The following TMEM132C variants were observed in gnomAD, a reference collection of about 807,000 sequenced individuals.
The protein encoded by TMEM132C is protein phosphatase 1, regulatory subunit 152.
TMEM132C carries 29 observed loss-of-function variants against 61.4 expected under a neutral mutation model. That is an observed-to-expected ratio of 0.47 (90% CI 0.35 to 0.64). The LOEUF (loss-of-function observed/expected upper bound fraction) is 0.64. Among genes scored for constraint, TMEM132C ranks in the 30% least tolerant of loss-of-function variants. The pLI is 0.00. For synonymous variants in TMEM132C, 656 were observed against 633.1 expected (o/e 1.04, Z -0.54); for missense variants, 1,408 against 1,476.9 (o/e 0.95, Z 0.76).
intron 3 of TMEM132C, among the ~76,000 whole-genome samples, chr12:128,615,300 G>C (rs1441078604): frequency 1.3e-5 from 2 of 152,306 alleles, no homozygotes; most frequent in South Asian, 4.1e-4. Context: ...GGTGGTGGGG[G>C]AAGGATGGTT....
intron 3 of TMEM132C, among the ~76,000 whole-genome samples, chr12:128,595,591 C>G (rs1480842900): frequency 2.0e-5 from 3 of 152,136 alleles, no homozygotes; most frequent in Admixed American, 2.0e-4. Context: ...GAGGAGGCCA[C>G]GGGATTGTAA....
Position 128,550,321 on chromosome 12 carries a change from G to A in TMEM132C, c.1121+6218G>A, listed in dbSNP as rs1489330165. ...GGTGTCTTGTCTTTTTTTTTTTTTC[G>A]AGACAGGGTCTCGCTCTGTCACCCA... On this transcript the variant is annotated intron_variant, in intron 3 of 8. Coordinates refer to ENST00000435159, the MANE Select transcript of TMEM132C (RefSeq NM_001136103.3). Among the ~76,000 whole-genome samples the A allele has an allele frequency of 6.8e-5, 10 of 146,718 alleles. 1 individual carries two copies. The South Asian group carries it at 1.5e-3, about 22-fold the overall frequency.
chr12:128,291,594 A>C (rs1457653106), intron 1 of TMEM132C, among the ~76,000 whole-genome samples: 1 of 152,236 alleles, frequency 6.6e-6, no homozygotes, highest in Non-Finnish European at 1.5e-5. Context: ...CCCAAGGCTC[A>C]GTTGTCCTGC....
At position 128,343,445 on chromosome 12, in the gene TMEM132C, G is replaced by A. The variant is rs562091694; in HGVS notation, c.86-71287G>A. ...CTAAAAAAAAAAAAAAAAAGGAGCTGTCTTCTTCCTTATTTAGATATCCCT... is the reference window on the plus strand; with the variant it reads ...CTAAAAAAAAAAAAAAAAAGGAGCTATCTTCTTCCTTATTTAGATATCCCT... On this transcript the variant is annotated intron_variant, in intron 1 of 8. Transcript: ENST00000435159. Among the ~76,000 whole-genome samples, 78 of 149,854 alleles carry A rather than the reference G, an allele frequency of 5.2e-4. 1 individual carries two copies. Among genetic ancestry groups the A allele is most frequent in the African/African-American group, 1.8e-3 (74 of 40,802 alleles).
At chr12:128,303,421 C>G (rs1273879243) in intron 1 of TMEM132C, among the ~76,000 whole-genome samples, 1 of 152,098 alleles carries the variant, frequency 6.6e-6, no homozygotes. Flanking sequence ...AGCCTGATTC[C>G]AAAGTTTTCT....
chr12:128,586,354 G>A (rs202210344), intron 3 of TMEM132C, among the ~76,000 whole-genome samples: 2 of 27,152 alleles, frequency 7.4e-5, no homozygotes, highest in South Asian at 5.5e-4. Flanking sequence ...GTGACTTATA[G>A]TATAGGCATC....
intron 5 of TMEM132C, among the ~76,000 whole-genome samples, chr12:128,689,180 A>G (rs577340632): frequency 2.6e-5 from 4 of 152,154 alleles, no homozygotes; most frequent in Admixed American, 2.6e-4. Context: ...ATAATTGTAT[A>G]TATTTATGCA....
rs115194556 is a variant in TMEM132C, at chr12:128,573,692, G to T, written c.1121+29589G>T. On this transcript the variant is annotated intron_variant, in intron 3 of 8. Transcript: ENST00000435159. ...AGAAAGTAGAATGGTGGATGCCAGA[G>T]GCTGGAGGAGGGAGGATTGGGGAAT... Among the ~76,000 whole-genome samples the T allele has an allele frequency of 1.3e-3, 194 of 152,144 alleles. 1 individual carries two copies. The highest frequency in any genetic ancestry group is 4.6e-3 in the African/African-American group (191 of 41,506).
intron 1 of TMEM132C, among the ~76,000 whole-genome samples, chr12:128,324,115 C>T (rs1032479237): frequency 6.6e-6 from 1 of 152,142 alleles, no homozygotes; most frequent in African/African-American, 2.4e-5. Flanking sequence ...CGCTGTGGGC[C>T]AGTCTTTATT....
At chr12:128,662,845 AC>A (rs1315345734) in intron 4 of TMEM132C, among the ~76,000 whole-genome samples, 1 of 152,082 alleles carries the variant, frequency 6.6e-6, no homozygotes, top group African/African-American at 2.4e-5. Context: ...GATTAAGCTC[AC>A]CCTTTCTCCA....
intron 1 of TMEM132C, among the ~76,000 whole-genome samples, chr12:128,300,737 A>G (rs373960059): frequency 2.0e-5 from 3 of 152,288 alleles, no homozygotes; most frequent in South Asian, 2.1e-4. Context: ...CTAAGCGCCT[A>G]TTAAAAACTC....
At chr12:128,482,368 C>T (rs1293492016) in intron 2 of TMEM132C, among the ~76,000 whole-genome samples, 5 of 152,086 alleles carry the variant, frequency 3.3e-5, no homozygotes, top group African/African-American at 7.2e-5. Context: ...TAACTGGATT[C>T]GGTTTGCCAG....
intron 1 of TMEM132C, among the ~76,000 whole-genome samples, chr12:128,293,364 C>G (rs1871307278): frequency 6.6e-6 from 1 of 152,116 alleles, no homozygotes; most frequent in African/African-American, 2.4e-5. Context: ...CTTATTTCTT[C>G]TTTTTAGTGC....
intron 4 of TMEM132C, among the ~76,000 whole-genome samples, chr12:128,631,879 G>A (rs1954067460): frequency 6.6e-6 from 1 of 152,092 alleles, no homozygotes; most frequent in Non-Finnish European, 1.5e-5. Flanking sequence ...TCCTCCTAAC[G>A]GTATTGTCAT....
intron 1 of TMEM132C, among the ~76,000 whole-genome samples, chr12:128,400,383 G>A (rs983255810): frequency 5.3e-5 from 8 of 152,174 alleles, no homozygotes; most frequent in African/African-American, 1.9e-4. Flanking sequence ...TTAAGAGTGA[G>A]GGACCTTCTT....
At chr12:128,372,780 T>C (rs1874067347) in intron 1 of TMEM132C, among the ~76,000 whole-genome samples, 1 of 151,582 alleles carries the variant, frequency 6.6e-6, no homozygotes, top group Non-Finnish European at 1.5e-5. Context: ...CCCCCGAGAT[T>C]GATGACAGCC....
chr12:128,360,281 C>CA (rs56354528), intron 1 of TMEM132C, among the ~76,000 whole-genome samples: 3 of 144,938 alleles, frequency 2.1e-5, no homozygotes, highest in South Asian at 2.3e-4. Context: ...CACACACACA[C>CA]CCCAGGATAA....
chr12:128,511,346 C>A (rs1237968129), intron 2 of TMEM132C, among the ~76,000 whole-genome samples: 1 of 152,224 alleles, frequency 6.6e-6, no homozygotes, highest in South Asian at 2.1e-4. Flanking sequence ...AGGGAGCAAT[C>A]AACAAAACCA....
chr12:128,341,544 A>T (rs1169955432), intron 1 of TMEM132C, among the ~76,000 whole-genome samples: 2 of 152,328 alleles, frequency 1.3e-5, no homozygotes, highest in South Asian at 4.1e-4. Context: ...ATCGGAAAAA[A>T]ATATATTACG....
Sources: allele counts gnomAD v4.1 joint callset (sites outside exome capture counted in the v4.1 genomes callset), GRCh38; gene constraint gnomAD v4.1.1; transcripts MANE v1.5; gene names NCBI Gene and HGNC (gene_info 2026-07-23, HGNC 2026-07-21).